Variants in CSMD2 observed in about 807,000 individuals in gnomAD.
CSMD2 encodes CUB and sushi domain-containing protein 2.
Under a neutral mutation model 398.5 loss-of-function variants are expected in CSMD2, and 130 were observed. The observed-to-expected ratio is 0.33, with a 90% CI of 0.28 to 0.38. The LOEUF (loss-of-function observed/expected upper bound fraction) is 0.38, where lower values mean the gene tolerates loss of function less well. Ranked by LOEUF, CSMD2 falls within the 10% of genes least tolerant of loss-of-function variation. The pLI is 1.00. For synonymous variants in CSMD2, 1,828 were observed against 1,908.5 expected (o/e 0.96, Z 1.10); for missense variants, 3,829 against 4,764.9 (o/e 0.80, Z 5.78).
chr1:33,955,808 ATAAAG>A, intron 3 of CSMD2, among the ~76,000 whole-genome samples: 1 of 44,804 alleles, frequency 2.2e-5, no homozygotes, highest in Non-Finnish European at 6.8e-5. Context: ...ATTAGACAAA[ATAAAG>A]TGCCGGCGTT....
intron 3 of CSMD2, among the ~76,000 whole-genome samples, chr1:33,961,446 T>G (rs540204803): frequency 6.6e-6 from 1 of 152,300 alleles, no homozygotes; most frequent in East Asian, 1.9e-4. Flanking sequence ...CTCAGTGACA[T>G]CTGGGAGGGA....
intron 3 of CSMD2, among the ~76,000 whole-genome samples, chr1:33,945,913 T>C (rs938972815): frequency 1.3e-5 from 2 of 152,218 alleles, no homozygotes; most frequent in Admixed American, 1.3e-4. Flanking sequence ...GGCTAAATAC[T>C]GTTAGTATTA....
At chr1:33,631,680 C>T (rs1344599674) in intron 32 of CSMD2, among the ~76,000 whole-genome samples, 2 of 152,062 alleles carry the variant, frequency 1.3e-5, no homozygotes, top group East Asian at 3.8e-4. Context: ...TTATAGCACC[C>T]TCCCAAGGGC....
chr1:33,587,065 C>T (rs1349065568), intron 45 of CSMD2, 23 bp downstream of exon 45: 6 of 1,572,496 alleles, frequency 3.8e-6, no homozygotes, highest in Non-Finnish European at 3.5e-6. Flanking sequence ...GTTCACAGTC[C>T]TTGCTGGCTT....
chr1:33,865,529 G>A (rs1639966647), intron 5 of CSMD2, among the ~76,000 whole-genome samples: 1 of 152,070 alleles, frequency 6.6e-6, no homozygotes. Flanking sequence ...CGTGACCAAG[G>A]CTGGATAAGA....
At chr1:33,716,593 G>T in intron 19 of CSMD2, 92 bp from the exon 20 acceptor site, 2 of 888,696 alleles carry the variant, frequency 2.3e-6, no homozygotes, top group Non-Finnish European at 1.8e-6. Flanking sequence ...TTTCCAGTTT[G>T]CAAATGTCTA....
At chr1:33,829,083 C>T (rs773079829) in intron 6 of CSMD2, among the ~76,000 whole-genome samples, 1 of 152,214 alleles carries the variant, frequency 6.6e-6, no homozygotes, top group Non-Finnish European at 1.5e-5. Flanking sequence ...ACATGGTCAT[C>T]GGATGCATGC....
chr1:33,542,603 G>C, intron 58 of CSMD2, 117 bp downstream of exon 58: 2 of 887,980 alleles, frequency 2.3e-6, no homozygotes, highest in Non-Finnish European at 3.4e-6. Flanking sequence ...TTATCGTTCA[G>C]GTTCAAGTCC....
chr1:33,545,083 A>G (rs1656749844), intron 57 of CSMD2, among the ~76,000 whole-genome samples: 1 of 152,110 alleles, frequency 6.6e-6, no homozygotes, highest in African/African-American at 2.4e-5. Context: ...CCTGGCCATT[A>G]CACACTTCCC....
intron 25 of CSMD2, among the ~76,000 whole-genome samples, chr1:33,673,231 G>T (rs989899230): frequency 2.0e-5 from 3 of 152,124 alleles, no homozygotes; most frequent in Non-Finnish European, 2.9e-5. Context: ...TAGACGAATG[G>T]CTAACTAGAA....
At chr1:33,616,303 T>C (rs926749857) in intron 39 of CSMD2, among the ~76,000 whole-genome samples, 1 of 152,048 alleles carries the variant, frequency 6.6e-6, no homozygotes, top group Non-Finnish European at 1.5e-5. Flanking sequence ...AGTGGTGCAG[T>C]CTCAGCTCAC....
intron 3 of CSMD2, among the ~76,000 whole-genome samples, chr1:33,953,250 G>A (rs1645063805): frequency 6.6e-6 from 1 of 152,154 alleles, no homozygotes; most frequent in Non-Finnish European, 1.5e-5. Flanking sequence ...CTTTATCCCT[G>A]AATTTCCAGG....
intron 4 of CSMD2, among the ~76,000 whole-genome samples, chr1:33,930,068 T>G (rs1644262796): frequency 6.6e-6 from 1 of 152,230 alleles, no homozygotes. Flanking sequence ...CAAGAGATCA[T>G]GGAATTTGGT....
At position 34,164,893 on chromosome 1, in the gene CSMD2, C is replaced by T. The variant is rs1376863774; in HGVS notation, c.187+18G>A. On this transcript the variant is annotated intron_variant, in intron 1 of 70. Transcript: ENST00000373381. This position sits in a 1 kb window ranked among gnomAD's most constrained non-coding sequence, Gnocchi z 6.2. ...GGGCGCGCGGCGGCCGCTGGCTCCT[C>T]GGCGCGGCTGGACTCACCCGCGGCG... is the stretch of plus-strand genomic sequence containing the variant. 3.3e-6 allele frequency: 4 copies of T among 1,218,380 alleles called. No homozygotes were observed. The highest frequency in any genetic ancestry group is 4.1e-6 in the Non-Finnish European group (4 of 979,502). 75.5% of individuals were successfully genotyped at this position (1,218,380 alleles called of 1,614,324 possible).
chr1:33,912,056 T>C (rs1055246926), intron 5 of CSMD2, among the ~76,000 whole-genome samples: 12 of 152,102 alleles, frequency 7.9e-5, no homozygotes, highest in African/African-American at 2.9e-4. Context: ...GAGGCCTTGG[T>C]CTCCTGCCCC....
intron 2 of CSMD2, among the ~76,000 whole-genome samples, chr1:34,061,864 T>C (rs980379606): frequency 7.2e-5 from 11 of 152,192 alleles, no homozygotes; most frequent in African/African-American, 2.7e-4. Flanking sequence ...CCTTATAACC[T>C]GACACCATTA....
At chr1:33,946,685 C>T (rs1644848519) in intron 3 of CSMD2, among the ~76,000 whole-genome samples, 1 of 150,520 alleles carries the variant, frequency 6.6e-6, no homozygotes, top group Non-Finnish European at 1.5e-5. Context: ...GTGGCATAAT[C>T]TTGGCTCACT....
intron 3 of CSMD2, among the ~76,000 whole-genome samples, chr1:34,024,408 A>G (rs538941035): frequency 2.6e-5 from 4 of 152,250 alleles, no homozygotes; most frequent in Non-Finnish European, 4.4e-5. Flanking sequence ...GTTTGGCATA[A>G]TATCATCTTA....
chr1:33,577,045 A>G (rs1249651335), intron 49 of CSMD2, among the ~76,000 whole-genome samples: 4 of 151,928 alleles, frequency 2.6e-5, no homozygotes, highest in Non-Finnish European at 5.9e-5. Flanking sequence ...CTCCCACAAC[A>G]CTGATTATGC....
Sources: allele counts gnomAD v4.1 joint callset (sites outside exome capture counted in the v4.1 genomes callset), GRCh38; gene constraint gnomAD v4.1.1; non-coding constraint Gnocchi (gnomAD v3.1); transcripts MANE v1.5; gene names NCBI Gene and HGNC (gene_info 2026-07-23, HGNC 2026-07-21).